Variants in C10orf90 observed in about 807,000 individuals in gnomAD.
C10orf90 encodes (E2-independent) E3 ubiquitin-conjugating enzyme FATS.
C10orf90 carries 56 observed loss-of-function variants against 62.5 expected under a neutral mutation model. The observed-to-expected ratio is 0.90, with a 90% CI of 0.72 to 1.12. The LOEUF (loss-of-function observed/expected upper bound fraction) is 1.12. Among genes scored for constraint, C10orf90 ranks in the 50% most tolerant of loss-of-function variants. The pLI is 0.00. For missense variants in C10orf90, 970 were observed against 880.4 expected, an observed-to-expected ratio of 1.10 and a Z score of -1.29; for synonymous variants, 386 against 340.4, an observed-to-expected ratio of 1.13 and a Z score of -1.47.
At chr10:126,500,729 G>A (rs560809141) in intron 4 of C10orf90, among the ~76,000 whole-genome samples, 5 of 152,250 alleles carry the variant, frequency 3.3e-5, no homozygotes, top group South Asian at 2.1e-4. Context: ...GTGCTCACGC[G>A]TCTATTGGAA....
intron 1 of C10orf90, among the ~76,000 whole-genome samples, chr10:126,667,307 C>A (rs961392614): frequency 6.6e-6 from 1 of 152,044 alleles, no homozygotes; most frequent in African/African-American, 2.4e-5. Flanking sequence ...ATCCACCCAC[C>A]TCAGCCTCCC....
chr10:126,631,479 C>G (rs1374569233), intron 2 of C10orf90, among the ~76,000 whole-genome samples: 2 of 152,076 alleles, frequency 1.3e-5, no homozygotes, highest in African/African-American at 4.8e-5. Flanking sequence ...GGTTTTTGCT[C>G]TCTTATCTCT....
intron 2 of C10orf90, among the ~76,000 whole-genome samples, chr10:126,573,092 T>C (rs947568016): frequency 1.3e-5 from 2 of 152,090 alleles, no homozygotes; most frequent in African/African-American, 4.8e-5. Context: ...GCTGGGAGCA[T>C]CAGCAGACTC....
At chr10:126,565,116 T>A (rs1357882469) in intron 2 of C10orf90, among the ~76,000 whole-genome samples, 3 of 37,616 alleles carry the variant, frequency 8.0e-5, no homozygotes, top group African/African-American at 2.5e-4. Flanking sequence ...AAATATATAT[T>A]ATATAATATA....
At chr10:126,460,038 T>C (rs911249493) in intron 6 of C10orf90, among the ~76,000 whole-genome samples, 1 of 152,240 alleles carries the variant, frequency 6.6e-6, no homozygotes, top group African/African-American at 2.4e-5. Context: ...GGTAACACCC[T>C]ATCCACGGGA....
At chr10:126,563,109 G>A (rs540287491) in intron 2 of C10orf90, among the ~76,000 whole-genome samples, 2 of 152,300 alleles carry the variant, frequency 1.3e-5, no homozygotes, top group South Asian at 4.1e-4. Flanking sequence ...TACAACTCGG[G>A]GCAAAATTCC....
At chr10:126,626,403 C>T (rs770790361) in intron 2 of C10orf90, among the ~76,000 whole-genome samples, 1 of 152,018 alleles carries the variant, frequency 6.6e-6, no homozygotes, top group Non-Finnish European at 1.5e-5. Context: ...GAGGGAAAGA[C>T]GTCGCCTGGC....
intron 2 of C10orf90, among the ~76,000 whole-genome samples, chr10:126,571,365 C>T (rs533210464): frequency 1.3e-5 from 2 of 152,274 alleles, no homozygotes; most frequent in East Asian, 1.9e-4. Flanking sequence ...GCCCTGAGCC[C>T]GGTGGCCCAA....
At chr10:126,548,380 T>G (rs10901632) in intron 2 of C10orf90, among the ~76,000 whole-genome samples, 48,348 of 152,066 alleles carry the variant, frequency 0.32, 7,795 homozygotes, top group East Asian at 0.42. Context: ...CCATCTTTTT[T>G]TTTTAGACAA....
intron 2 of C10orf90, among the ~76,000 whole-genome samples, chr10:126,622,800 C>T (rs1008342586): frequency 5.3e-5 from 8 of 152,194 alleles, no homozygotes; most frequent in African/African-American, 1.4e-4. Context: ...ATTAACCATG[C>T]TGTAGTCAGA....
intron 2 of C10orf90, among the ~76,000 whole-genome samples, chr10:126,644,260 T>C (rs945061714): frequency 3.3e-5 from 5 of 152,338 alleles, no homozygotes; most frequent in Non-Finnish European, 4.4e-5. Flanking sequence ...CCTTGCTGTA[T>C]TCAGAGCTGA....
intron 1 of C10orf90, among the ~76,000 whole-genome samples, chr10:126,648,953 C>T (rs1564908931): frequency 6.6e-6 from 1 of 151,856 alleles, no homozygotes. Context: ...TAGTCAAGAG[C>T]CCCAGCCTTG....
At chr10:126,593,898 T>C (rs1432748164) in intron 2 of C10orf90, among the ~76,000 whole-genome samples, 1 of 151,972 alleles carries the variant, frequency 6.6e-6, no homozygotes, top group African/African-American at 2.4e-5. Context: ...CAGGATATCG[T>C]CTGCCATAAT....
At chr10:126,606,318 C>T (rs1845310629) in intron 2 of C10orf90, among the ~76,000 whole-genome samples, 1 of 152,202 alleles carries the variant, frequency 6.6e-6, no homozygotes, top group Non-Finnish European at 1.5e-5. Flanking sequence ...TTTCAAAACA[C>T]ATGGCAGAGA....
intron 2 of C10orf90, chr10:126,521,427 G>T (rs775025285): frequency 6.4e-7 from 1 of 1,572,456 alleles, no homozygotes. Flanking sequence ...TTACCTCTGT[G>T]GCTAGGCTCA....
rs561704936 is a variant in C10orf90 at position 126,637,466 on chromosome 10, C to A, written c.313+9099G>T. 2.2e-4 allele frequency among the ~76,000 whole-genome samples: 34 copies of A among 152,356 alleles called. 1 individual carries two copies. The highest frequency in any genetic ancestry group is 8.2e-4 in the African/African-American group (34 of 41,576). Reference sequence around the variant, plus strand: ...GCAAGCAAAATCAGACAGGCCCCTGCTCTTGCGGAGCTTGTGGTTTGGATG... The same window carrying A: ...GCAAGCAAAATCAGACAGGCCCCTGATCTTGCGGAGCTTGTGGTTTGGATG... On this transcript the variant is annotated intron_variant, in intron 2 of 9. Transcript: ENST00000488181.
chr10:126,596,732 T>A (rs534998104), intron 2 of C10orf90, among the ~76,000 whole-genome samples: 131 of 152,348 alleles, frequency 8.6e-4, no homozygotes, highest in Non-Finnish European at 1.4e-3. Context: ...ACAGAATGGT[T>A]GTATGGGTAC....
Position 126,552,419 on chromosome 10 carries a change from G to T in C10orf90, c.314-38480C>A, listed in dbSNP as rs1037736051. Reference sequence around the variant, plus strand: ...CAGAACAGAAGTCCCCACACTGGTCGAGAACCTCCCTCCACAACACCTGAG... The same window carrying T: ...CAGAACAGAAGTCCCCACACTGGTCTAGAACCTCCCTCCACAACACCTGAG... On this transcript the variant is annotated intron_variant, in intron 2 of 9. Coordinates refer to ENST00000488181, the MANE Select transcript of C10orf90 (RefSeq NM_001350921.2). Among the ~76,000 whole-genome samples, 5 of 152,256 alleles carry T rather than the reference G, an allele frequency of 3.3e-5. No individual in the cohort carries two copies. In the East Asian group the frequency reaches 9.6e-4, roughly 29 times the overall value.
At chr10:126,498,483 C>T (rs1290688167) in intron 4 of C10orf90, among the ~76,000 whole-genome samples, 1 of 152,194 alleles carries the variant, frequency 6.6e-6, no homozygotes, top group Non-Finnish European at 1.5e-5. Flanking sequence ...CCACCCCCTG[C>T]CCCAGGTCTA....
Sources: gnomAD v4.1 joint callset for allele counts (sites outside exome capture counted in the v4.1 genomes callset) on GRCh38, gnomAD v4.1.1 for gene constraint, MANE v1.5 for transcripts, NCBI Gene and HGNC (gene_info 2026-07-23, HGNC 2026-07-21) for gene names.